Variants in ATP9B observed in about 807,000 individuals in gnomAD.
The protein encoded by ATP9B is probable phospholipid-transporting ATPase IIB.
In ATP9B, 110 loss-of-function variants were observed where a neutral mutation model predicts 146.1. That is an observed-to-expected ratio of 0.75 (90% CI 0.65 to 0.88). ATP9B has a LOEUF of 0.88. ATP9B is among the 40% of genes least tolerant of loss of function. The pLI is 0.00. For missense variants in ATP9B, 1,499 were observed against 1,496.4 expected, an observed-to-expected ratio of 1.00 and a Z score of -0.03; for synonymous variants, 604 against 569.7, an observed-to-expected ratio of 1.06 and a Z score of -0.86.
chr18:79,222,397 C>G (rs961738037), intron 11 of ATP9B, among the ~76,000 whole-genome samples: 5 of 152,022 alleles, frequency 3.3e-5, no homozygotes, highest in Admixed American at 3.3e-4. Context: ...CCTTAACTCT[C>G]TTTCTTGTTT....
At chr18:79,289,838 C>A (rs2146097082) in intron 13 of ATP9B, among the ~76,000 whole-genome samples, 1 of 152,342 alleles carries the variant, frequency 6.6e-6, no homozygotes, top group East Asian at 1.9e-4. Flanking sequence ...ACAGACAGGA[C>A]CCTCAGCTGC....
At chr18:79,128,184 C>T (rs1051730792) in intron 5 of ATP9B, among the ~76,000 whole-genome samples, 4 of 151,594 alleles carry the variant, frequency 2.6e-5, no homozygotes, top group East Asian at 1.9e-4. Flanking sequence ...CTCAACCTCC[C>T]GAGAAACTGG....
At chr18:79,367,027 C>A (rs1434395764) in intron 26 of ATP9B, among the ~76,000 whole-genome samples, 3 of 151,132 alleles carry the variant, frequency 2.0e-5, no homozygotes, top group Non-Finnish European at 4.4e-5. Context: ...CGTGTGTACG[C>A]AGAGAAAGTG....
intron 7 of ATP9B, among the ~76,000 whole-genome samples, chr18:79,161,041 G>T (rs558132456): frequency 6.8e-6 from 1 of 147,804 alleles, no homozygotes. Flanking sequence ...AAGTGCTGGG[G>T]TTATAGGTGT....
At chr18:79,375,597 G>A in intron 29 of ATP9B, 171 bp downstream of exon 29, 1 of 985,464 alleles carries the variant, frequency 1.0e-6, no homozygotes, top group South Asian at 4.7e-5. Flanking sequence ...GTCATGGGCT[G>A]AGTGCTGTTG....
chr18:79,287,422 TTC>T (rs1328713007), intron 13 of ATP9B, among the ~76,000 whole-genome samples: 4 of 152,248 alleles, frequency 2.6e-5, no homozygotes, highest in Admixed American at 6.5e-5. Flanking sequence ...GTTTGTAGTA[TTC>T]TCTGATGGTA....
intron 7 of ATP9B, among the ~76,000 whole-genome samples, chr18:79,176,003 C>T (rs954740830): frequency 1.3e-5 from 2 of 152,168 alleles, no homozygotes; most frequent in Admixed American, 6.5e-5. Context: ...ATGTCCTGCA[C>T]CTTACTTTCT....
chr18:79,341,122 T>C (rs2096855707), intron 19 of ATP9B, among the ~76,000 whole-genome samples: 1 of 152,230 alleles, frequency 6.6e-6, no homozygotes, highest in African/African-American at 2.4e-5. Context: ...ACTGTTTAAT[T>C]GTGGTTGGAT....
intron 2 of ATP9B, among the ~76,000 whole-genome samples, chr18:79,102,249 T>C (rs553126327): frequency 2.6e-5 from 4 of 152,310 alleles, no homozygotes; most frequent in African/African-American, 9.6e-5. Flanking sequence ...AATTATTGCT[T>C]TTGTTACTTT....
At chr18:79,095,972 ATAAAC>A (rs2074744469) in intron 1 of ATP9B, among the ~76,000 whole-genome samples, 2 of 152,244 alleles carry the variant, frequency 1.3e-5, no homozygotes, top group Non-Finnish European at 2.9e-5. Context: ...CCCCAAAGAT[ATAAAC>A]TGTCAGCAAA....
intron 23 of ATP9B, among the ~76,000 whole-genome samples, chr18:79,346,779 C>G (rs1362872582): frequency 6.6e-6 from 1 of 152,256 alleles, no homozygotes; most frequent in African/African-American, 2.4e-5. Context: ...TCGGCACAGT[C>G]AGCACATGCT....
At chr18:79,113,075 T>C (rs1341149048) in intron 3 of ATP9B, among the ~76,000 whole-genome samples, 166 bp from the exon 4 acceptor site, 1 of 152,216 alleles carries the variant, frequency 6.6e-6, no homozygotes, top group Non-Finnish European at 1.5e-5. Flanking sequence ...GTGATACAGC[T>C]ATTAGAAAGC....
At chr18:79,150,279 T>TA (rs1413797114) in intron 6 of ATP9B, among the ~76,000 whole-genome samples, 1 of 151,854 alleles carries the variant, frequency 6.6e-6, no homozygotes, top group Non-Finnish European at 1.5e-5. Context: ...ATACAAATAA[T>TA]ACAGTTATCC....
At chr18:79,108,603 G>C (rs2075808149) in intron 2 of ATP9B, among the ~76,000 whole-genome samples, 1 of 152,144 alleles carries the variant, frequency 6.6e-6, no homozygotes. Context: ...AATAAGGGTG[G>C]GGGGAGCTGG....
intron 13 of ATP9B, among the ~76,000 whole-genome samples, chr18:79,294,470 A>C (rs565485989): frequency 6.6e-6 from 1 of 152,228 alleles, no homozygotes; most frequent in African/African-American, 2.4e-5. Flanking sequence ...GCCCACAGGC[A>C]CAGGAGAAAC....
At chr18:79,339,702 AT>A (rs2096848337) in intron 19 of ATP9B, among the ~76,000 whole-genome samples, 1 of 151,142 alleles carries the variant, frequency 6.6e-6, no homozygotes, top group African/African-American at 2.4e-5. Context: ...GAAGTGTATC[AT>A]GATTGCAGTA....
chr18:79,077,589 G>T (rs975950863), intron 1 of ATP9B, among the ~76,000 whole-genome samples: 2 of 152,174 alleles, frequency 1.3e-5, no homozygotes, highest in Non-Finnish European at 2.9e-5. Flanking sequence ...ATGTACCAGA[G>T]GCCATTATTT....
At chr18:79,350,429 G>A (rs575863873) in intron 25 of ATP9B, among the ~76,000 whole-genome samples, 51 of 152,336 alleles carry the variant, frequency 3.3e-4, no homozygotes, top group Non-Finnish European at 6.5e-4. Flanking sequence ...CAAGGAAAGC[G>A]CCGTCATCGG....
chr18:79,299,323 T>A (rs910267897), intron 13 of ATP9B, among the ~76,000 whole-genome samples: 5 of 152,166 alleles, frequency 3.3e-5, no homozygotes, highest in Non-Finnish European at 7.3e-5. Flanking sequence ...AGCCCTTCTC[T>A]TGTGTGTGTC....
Sources: allele counts gnomAD v4.1 joint callset (sites outside exome capture counted in the v4.1 genomes callset), GRCh38; gene constraint gnomAD v4.1.1; transcripts MANE v1.5; gene names NCBI Gene and HGNC (gene_info 2026-07-23, HGNC 2026-07-21).